Variants in FAM53B observed in about 807,000 individuals in gnomAD.
FAM53B encodes protein FAM53B.
A neutral mutation model predicts 32.7 loss-of-function variants in FAM53B; 12 were observed. The observed-to-expected ratio is 0.37, with a 90% CI of 0.24 to 0.59. FAM53B has a LOEUF of 0.59. Among genes scored for constraint, FAM53B ranks in the 20% least tolerant of loss-of-function variants. The pLI, the probability that FAM53B is intolerant of heterozygous loss-of-function variation, is 0.72. For missense variants in FAM53B, 477 were observed against 577.7 expected, an observed-to-expected ratio of 0.83 and a Z score of 1.79; for synonymous variants, 234 against 228.7, an observed-to-expected ratio of 1.02 and a Z score of -0.21.
intron 1 of FAM53B, among the ~76,000 whole-genome samples, chr10:124,724,536 A>C (rs949984175): frequency 1.3e-5 from 2 of 152,160 alleles, no homozygotes; most frequent in Non-Finnish European, 2.9e-5. Context: ...GCAGGCAAAC[A>C]AGCTGAGCTA....
At chr10:124,717,614 A>T (rs558277760) in intron 1 of FAM53B, among the ~76,000 whole-genome samples, 7 of 152,218 alleles carry the variant, frequency 4.6e-5, no homozygotes, top group Non-Finnish European at 1.0e-4. Context: ...AATGGGTGGG[A>T]CCGAGGTAGC....
intron 1 of FAM53B, among the ~76,000 whole-genome samples, chr10:124,718,389 G>A (rs180819905): frequency 2.0e-5 from 3 of 152,284 alleles, no homozygotes; most frequent in African/African-American, 4.8e-5. Flanking sequence ...CACATGGTAA[G>A]CCTTCCGCCT....
chr10:124,707,664 G>C (rs1949970261), intron 1 of FAM53B, among the ~76,000 whole-genome samples: 1 of 152,206 alleles, frequency 6.6e-6, no homozygotes, highest in African/African-American at 2.4e-5. Context: ...GCTTGAACCT[G>C]GGAGGCAGAG....
At chr10:124,658,624 G>A (rs1366050677) in intron 4 of FAM53B, among the ~76,000 whole-genome samples, 5 of 152,222 alleles carry the variant, frequency 3.3e-5, no homozygotes, top group Non-Finnish European at 5.9e-5. Flanking sequence ...ACTACCGTGG[G>A]AGAGAGGGAG....
At chr10:124,634,329 T>C (rs1353918400) in intron 4 of FAM53B, among the ~76,000 whole-genome samples, 1 of 152,204 alleles carries the variant, frequency 6.6e-6, no homozygotes, top group Non-Finnish European at 1.5e-5. Context: ...CATGGATCCA[T>C]TGATATGAAA....
chr10:124,649,461 G>A (rs1949541615), intron 4 of FAM53B, among the ~76,000 whole-genome samples: 1 of 152,162 alleles, frequency 6.6e-6, no homozygotes, highest in Non-Finnish European at 1.5e-5. Flanking sequence ...GAAACAGCAG[G>A]CCTGGCCGGC....
chr10:124,704,431 G>C (rs1032610921), intron 2 of FAM53B: 2 of 152,344 alleles, frequency 1.3e-5, no homozygotes, highest in African/African-American at 4.8e-5. Context: ...GTGCCCAAGA[G>C]GGAAAAAGGA....
intron 1 of FAM53B, among the ~76,000 whole-genome samples, chr10:124,714,930 C>T (rs1332503554): frequency 2.0e-5 from 3 of 152,138 alleles, no homozygotes; most frequent in South Asian, 4.1e-4. Context: ...TCAGAGGGTA[C>T]TACTGTTATC....
intron 4 of FAM53B, among the ~76,000 whole-genome samples, chr10:124,626,215 C>T (rs185567986): frequency 7.2e-5 from 11 of 152,372 alleles, no homozygotes; most frequent in Admixed American, 1.3e-4. Flanking sequence ...GCGCAGCCTG[C>T]GCAATCGGAC....
intron 1 of FAM53B, among the ~76,000 whole-genome samples, chr10:124,730,396 T>C (rs1247040805): frequency 6.6e-6 from 1 of 152,202 alleles, no homozygotes; most frequent in Admixed American, 6.5e-5. Flanking sequence ...GGCCTGCCAA[T>C]GGTCATAGGA....
intron 4 of FAM53B, among the ~76,000 whole-genome samples, chr10:124,639,675 TC>T (rs1032723635): frequency 2.0e-5 from 3 of 151,984 alleles, no homozygotes; most frequent in African/African-American, 4.8e-5. Flanking sequence ...GATAGGCTTT[TC>T]CCCCCCTTTC....
At chr10:124,700,632 G>A (rs1335097727) in intron 2 of FAM53B, among the ~76,000 whole-genome samples, 1 of 152,206 alleles carries the variant, frequency 6.6e-6, no homozygotes, top group Non-Finnish European at 1.5e-5. Context: ...GAAATCAAAT[G>A]GAGGCTTCAG....
At chr10:124,734,443 C>T (rs1205120195) in intron 1 of FAM53B, among the ~76,000 whole-genome samples, 4 of 152,336 alleles carry the variant, frequency 2.6e-5, no homozygotes, top group Middle Eastern at 3.4e-3. Context: ...GAGGATGACA[C>T]GCTCCACCTG....
At chr10:124,715,643 C>T (rs868708447) in intron 1 of FAM53B, among the ~76,000 whole-genome samples, 1 of 152,240 alleles carries the variant, frequency 6.6e-6, no homozygotes, top group African/African-American at 2.4e-5. Context: ...ACGGCAGCAA[C>T]CTGACTGATG....
rs188532327 is a variant in FAM53B, at chr10:124,725,056, G to A, written c.-174-18169C>T. ...TTTCTGAGGAGCGAGAGTAGAAGGGGGAACACTCCTTGACAAAACAAAACT... is the reference window on the plus strand; with the variant it reads ...TTTCTGAGGAGCGAGAGTAGAAGGGAGAACACTCCTTGACAAAACAAAACT... On this transcript the variant is annotated intron_variant, in intron 1 of 4. Transcript: ENST00000337318. Among the ~76,000 whole-genome samples the A allele has an allele frequency of 1.1e-4, 16 of 152,278 alleles. 1 individual carries two copies. The East Asian group carries it at 2.7e-3, about 26-fold the overall frequency.
At chr10:124,641,305 C>G (rs1368725571) in intron 4 of FAM53B, among the ~76,000 whole-genome samples, 3 of 152,348 alleles carry the variant, frequency 2.0e-5, no homozygotes, top group Non-Finnish European at 2.9e-5. Context: ...CCCCAGTAAC[C>G]CTTCCAGTGC....
At position 124,621,780 on chromosome 10, in the gene FAM53B, C is replaced by T. The variant is rs1308731093; in HGVS notation, c.*1462G>A. 1 of 152,272 alleles carries T rather than the reference C, an allele frequency of 6.6e-6. No homozygotes were observed. The highest frequency in any genetic ancestry group is 6.5e-5 in the Admixed American group (1 of 15,280). The allele number at this position is 152,272 out of a possible 1,614,324, so 9.4% of individuals were successfully genotyped here. A position where few individuals can be genotyped will look rare whatever the true frequency, so the allele number is the denominator to read the frequency against. On this transcript the variant is annotated 3_prime_UTR_variant, in exon 5 of 5. Transcript: ENST00000337318. ...AAGACGAGCAAAAGCAAAGTGACTA[C>T]AAAAGTGCTTTGAACGCGCGTGTCA...
At chr10:124,735,308 C>T (rs1164246042) in intron 1 of FAM53B, among the ~76,000 whole-genome samples, 1 of 152,190 alleles carries the variant, frequency 6.6e-6, no homozygotes, top group Non-Finnish European at 1.5e-5. Context: ...GAGGCCACAT[C>T]ATGACCCATA....
At chr10:124,738,335 G>A (rs1950183324) in intron 1 of FAM53B, among the ~76,000 whole-genome samples, 1 of 151,578 alleles carries the variant, frequency 6.6e-6, no homozygotes. Context: ...ATGTAATTGG[G>A]CCTGAATGCA....
Sources: allele counts gnomAD v4.1 joint callset (sites outside exome capture counted in the v4.1 genomes callset), GRCh38; gene constraint gnomAD v4.1.1; transcripts MANE v1.5; gene names NCBI Gene and HGNC (gene_info 2026-07-23, HGNC 2026-07-21).